The following CLIC4 variants were observed in gnomAD, a reference collection of about 807,000 sequenced individuals.
CLIC4 encodes chloride intracellular channel protein 4.
Under a neutral mutation model 24.6 loss-of-function variants are expected in CLIC4, and 13 were observed. The ratio of observed to expected loss-of-function variants is 0.53; its 90% CI spans 0.34 to 0.84. The LOEUF is 0.84. CLIC4 is among the 40% of genes least tolerant of loss of function. CLIC4 has a pLI of 0.01. For synonymous variants in CLIC4, 104 were observed against 111.3 expected (o/e 0.93, Z 0.41); for missense variants, 227 against 301.7 (o/e 0.75, Z 1.83).
In CLIC4 at chr1:24,760,868, C is replaced by G. The variant is rs961096376; in HGVS notation, c.72+15243C>G. On this transcript the variant is annotated intron_variant, in intron 1 of 5. Transcript: ENST00000374379. ...GGAGTATTGACAATGATAGGGGGTG[C>G]TATTTTCAGTTTAACGGGGCATTCC... is the stretch of plus-strand genomic sequence containing the variant. 2.0e-4 allele frequency among the ~76,000 whole-genome samples: 30 copies of G among 151,966 alleles called. 1 individual carries two copies. The highest frequency in any genetic ancestry group is 1.9e-3 in the Admixed American group (29 of 15,244).
intron 3 of CLIC4, among the ~76,000 whole-genome samples, chr1:24,822,669 G>A (rs148675111): frequency 9.1e-4 from 139 of 152,246 alleles, no homozygotes; most frequent in Admixed American, 2.0e-3. Context: ...TGAAAAAGCA[G>A]GTGAATCTTA....
chr1:24,800,429 C>T (rs1472450654), intron 2 of CLIC4, among the ~76,000 whole-genome samples: 2 of 150,212 alleles, frequency 1.3e-5, no homozygotes, highest in Admixed American at 6.6e-5. Flanking sequence ...GCTGCCCCGT[C>T]TGGGAGGGAG....
In CLIC4 at chr1:24,843,110, C is replaced by T. The variant is rs1276091690; in HGVS notation, c.*2173C>T. 1 of 152,132 alleles carries T rather than the reference C, an allele frequency of 6.6e-6. No individual in the cohort carries two copies. The highest frequency in any genetic ancestry group is 6.5e-5 in the Admixed American group (1 of 15,268). The allele number at this position is 152,132 out of a possible 1,614,324, so 9.4% of individuals were successfully genotyped here. A position where few individuals can be genotyped will look rare whatever the true frequency, so the allele number is the denominator to read the frequency against. On this transcript the variant is annotated 3_prime_UTR_variant, in exon 6 of 6. Transcript: ENST00000374379. The stretch of plus-strand genomic sequence containing the variant: ...TTATTAAACCAGTGATTACACCTGG[C>T]CATCCCTCTAAATGTTCTAGGAAGG...
intron 1 of CLIC4, among the ~76,000 whole-genome samples, chr1:24,791,751 C>G (rs2124124815): frequency 6.6e-6 from 1 of 152,154 alleles, no homozygotes; most frequent in South Asian, 2.1e-4. Context: ...TTGTGGGCAC[C>G]TGTAATCCGA....
intron 3 of CLIC4, among the ~76,000 whole-genome samples, chr1:24,822,634 C>CCTG (rs1639747020): frequency 1.3e-5 from 2 of 151,936 alleles, no homozygotes; most frequent in Non-Finnish European, 2.9e-5. Context: ...ACAGTGCCTG[C>CCTG]CCTTACTTAA....
chr1:24,820,555 T>C (rs1571261261), intron 3 of CLIC4, among the ~76,000 whole-genome samples: 3 of 152,226 alleles, frequency 2.0e-5, no homozygotes, highest in Admixed American at 6.5e-5. Flanking sequence ...TAAGCTGTCA[T>C]GACTGGTCCC....
intron 2 of CLIC4, among the ~76,000 whole-genome samples, chr1:24,806,419 TCTC>T (rs1215785568): frequency 6.6e-6 from 1 of 152,232 alleles, no homozygotes; most frequent in African/African-American, 2.4e-5. Context: ...TAAAGTTTCT[TCTC>T]AGATTCTTCA....
chr1:24,825,555 T>C (rs1286611270), intron 3 of CLIC4, among the ~76,000 whole-genome samples: 2 of 152,178 alleles, frequency 1.3e-5, no homozygotes, highest in Non-Finnish European at 2.9e-5. Flanking sequence ...AAAAACTCTT[T>C]ATGTAAATAA....
chr1:24,818,707 G>T (rs944269399), intron 3 of CLIC4, among the ~76,000 whole-genome samples: 1 of 151,820 alleles, frequency 6.6e-6, no homozygotes, highest in Non-Finnish European at 1.5e-5. Context: ...CCCTCAACAA[G>T]TACAGTCATG....
intron 1 of CLIC4, among the ~76,000 whole-genome samples, chr1:24,758,716 C>T (rs1291560977): frequency 2.6e-5 from 4 of 152,120 alleles, no homozygotes; most frequent in Non-Finnish European, 2.9e-5. Context: ...CCTTGGCCTT[C>T]CAAAAGTTCT....
At chr1:24,802,628 CT>C (rs1639503370) in intron 2 of CLIC4, among the ~76,000 whole-genome samples, 1 of 151,880 alleles carries the variant, frequency 6.6e-6, no homozygotes, top group Non-Finnish European at 1.5e-5. Flanking sequence ...TCCCTACCCC[CT>C]AGTCATCAAC....
chr1:24,809,031 A>T (rs1346932626), intron 2 of CLIC4, among the ~76,000 whole-genome samples: 1 of 152,164 alleles, frequency 6.6e-6, no homozygotes, highest in Non-Finnish European at 1.5e-5. Flanking sequence ...TGCTGAACCC[A>T]TGAATAAGGA....
At chr1:24,770,735 T>C (rs1639061414) in intron 1 of CLIC4, among the ~76,000 whole-genome samples, 1 of 152,142 alleles carries the variant, frequency 6.6e-6, no homozygotes, top group African/African-American at 2.4e-5. Flanking sequence ...TCTTCTTCTT[T>C]TTTTTTTGTT....
chr1:24,816,754 A>C lies in CLIC4; in HGVS notation c.308+2535A>C, dbSNP rs1473622272. Among the ~76,000 whole-genome samples, 51 of 152,188 alleles carry C rather than the reference A, an allele frequency of 3.4e-4. 1 individual carries two copies. Among genetic ancestry groups the C allele is most frequent in the Admixed American group, 3.3e-3 (51 of 15,282 alleles). ...TGATCTCCCTGTATATCTCTATCAG[A>C]GTTCTGGGGGGACTAGTGCATTGTC... On this transcript the variant is annotated intron_variant, in intron 3 of 5. Coordinates refer to ENST00000374379, the MANE Select transcript of CLIC4 (RefSeq NM_013943.3).
intron 1 of CLIC4, among the ~76,000 whole-genome samples, chr1:24,785,856 AAAAAAAAAAAAAAAAAAAAAG>A (rs1424397040): frequency 8.9e-5 from 7 of 78,680 alleles, no homozygotes; most frequent in African/African-American, 2.1e-4. Context: ...CTACAACTCA[AAAAAAAAAAAAAAAAAAAAAG>A]AAAAGAAAAA....
At chr1:24,805,082 A>C (rs1252606584) in intron 2 of CLIC4, among the ~76,000 whole-genome samples, 1 of 69,886 alleles carries the variant, frequency 1.4e-5, no homozygotes, top group Non-Finnish European at 2.7e-5. Flanking sequence ...GTGAGACTCC[A>C]TGTCAAAAAA....
At chr1:24,755,436 CA>C (rs796480286) in intron 1 of CLIC4, among the ~76,000 whole-genome samples, 3,606 of 85,824 alleles carry the variant, frequency 0.042, 94 homozygotes, top group African/African-American at 0.11. Context: ...GACTCTGTCT[CA>C]AAAAAAAAAA....
intron 1 of CLIC4, among the ~76,000 whole-genome samples, chr1:24,759,226 A>G (rs112060097): frequency 6.6e-6 from 1 of 152,346 alleles, no homozygotes; most frequent in African/African-American, 2.4e-5. Context: ...TTTATAGTTC[A>G]AGTATAATAA....
In CLIC4 at chr1:24,745,609, T is replaced by A. The variant is rs1190267465; in HGVS notation, c.56T>A (p.Ile19Asn). 1 of 1,574,456 alleles carries A rather than the reference T, an allele frequency of 6.4e-7. No homozygotes were observed. The highest frequency in any genetic ancestry group is 8.6e-7 in the Non-Finnish European group (1 of 1,163,438). ...GLKEEDKEPL[I>N]ELFVKAGSDG... ...AAGGAGGAGGACAAAGAGCCCCTCATCGAGCTCTTCGTCAAGGTGAGCGCT... is the reference window on the plus strand; with the variant it reads ...AAGGAGGAGGACAAAGAGCCCCTCAACGAGCTCTTCGTCAAGGTGAGCGCT... Residue 19 changes from isoleucine to asparagine, a missense_variant, in exon 1 of 6, where the codon ATC becomes AAC. Physicochemically the swap from Ile to Asn is moderately radical, Grantham distance 149. Transcript: ENST00000374379.
Sources: gnomAD v4.1 joint callset for allele counts (sites outside exome capture counted in the v4.1 genomes callset) on GRCh38, gnomAD v4.1.1 for gene constraint, MANE v1.5 for transcripts, NCBI Gene and HGNC (gene_info 2026-07-23, HGNC 2026-07-21) for gene names.